Variants in SNTB1 observed in about 807,000 individuals in gnomAD.
SNTB1 encodes beta-1-syntrophin.
In SNTB1, 36 loss-of-function variants were observed where a neutral mutation model predicts 48.9. That is an observed-to-expected ratio of 0.74 (90% CI 0.56 to 0.97). The LOEUF is 0.97. Among genes scored for constraint, SNTB1 ranks in the 50% least tolerant of loss-of-function variants. The pLI, the probability that SNTB1 is intolerant of heterozygous loss-of-function variation, is 0.00. For synonymous variants in SNTB1, 299 were observed against 294.6 expected (o/e 1.01, Z -0.15); for missense variants, 786 against 703.4 (o/e 1.12, Z -1.33).
chr8:120,637,702 A>T, intron 2 of SNTB1: 1 of 433,390 alleles, frequency 2.3e-6, no homozygotes, highest in Non-Finnish European at 4.5e-6. Context: ...TCATGGCTGC[A>T]CTTATGCCTG....
At chr8:120,742,207 C>T (rs1466742122) in intron 1 of SNTB1, among the ~76,000 whole-genome samples, 1 of 152,176 alleles carries the variant, frequency 6.6e-6, no homozygotes, top group Non-Finnish European at 1.5e-5. Flanking sequence ...CACTGCCTGC[C>T]ATCTTATGGC....
chr8:120,570,357 A>T (rs1429522772), intron 4 of SNTB1: 2 of 152,192 alleles, frequency 1.3e-5, no homozygotes, highest in African/African-American at 4.8e-5. Flanking sequence ...ATCTACCCAG[A>T]TCACATCCAT....
Position 120,538,461 on chromosome 8 carries a change from G to T in SNTB1, c.*416C>A, listed in dbSNP as rs1232526614. ...GGATCACTGTTACTGGGGATAGGGG[G>T]CTAGGAGGAGTAGGTAAGAATGTCC... On this transcript the variant is annotated 3_prime_UTR_variant, in exon 7 of 7. Coordinates refer to ENST00000517992, the MANE Select transcript of SNTB1 (RefSeq NM_021021.4). 4 of 300,368 alleles carry T rather than the reference G, an allele frequency of 1.3e-5. No individual in the cohort carries two copies. The highest frequency in any genetic ancestry group is 2.8e-5 in the Non-Finnish European group (4 of 144,812). The allele number at this position is 300,368 out of a possible 1,614,324, so 18.6% of individuals were successfully genotyped here.
chr8:120,781,131 C>A (rs974394735), intron 1 of SNTB1, among the ~76,000 whole-genome samples: 25 of 152,292 alleles, frequency 1.6e-4, no homozygotes, highest in African/African-American at 5.1e-4. Flanking sequence ...TGGGGAATGT[C>A]TGCTGAATCA....
At chr8:120,577,138 C>T (rs1815964664) in intron 3 of SNTB1, among the ~76,000 whole-genome samples, 1 of 152,148 alleles carries the variant, frequency 6.6e-6, no homozygotes, top group Non-Finnish European at 1.5e-5. Context: ...ACCTTTTCTT[C>T]CCATCCTTTC....
intron 1 of SNTB1, chr8:120,761,425 G>A (rs1158489031): frequency 1.3e-5 from 2 of 152,176 alleles, no homozygotes; most frequent in Non-Finnish European, 1.5e-5. Flanking sequence ...TAGCAGCTCC[G>A]AGCATTCAAC....
At chr8:120,629,504 A>T (rs573834080) in intron 3 of SNTB1, among the ~76,000 whole-genome samples, 2 of 152,232 alleles carry the variant, frequency 1.3e-5, no homozygotes, top group Non-Finnish European at 2.9e-5. Flanking sequence ...AGATATATAC[A>T]GGGTCACATT....
chr8:120,747,597 C>T (rs1009477755), intron 1 of SNTB1, among the ~76,000 whole-genome samples: 1 of 152,184 alleles, frequency 6.6e-6, no homozygotes, highest in African/African-American at 2.4e-5. Context: ...GGTCCATGTT[C>T]TCACTTATAA....
rs139050518 is a variant in SNTB1 at position 120,597,600 on chromosome 8, T to C, written c.997-22375A>G. Among the ~76,000 whole-genome samples, 449 of 152,342 alleles carry C rather than the reference T, an allele frequency of 2.9e-3. 3 individuals carry two copies. The highest frequency in any genetic ancestry group is 0.011 in the African/African-American group (437 of 41,570). On this transcript the variant is annotated intron_variant, in intron 3 of 6. Coordinates refer to ENST00000517992, the MANE Select transcript of SNTB1 (RefSeq NM_021021.4). Reference sequence around the variant, plus strand: ...AACCACAAAGAAGGATCCTAATGCATGTGTTTGCTAATTGATTGCCATTTT... The same window carrying C: ...AACCACAAAGAAGGATCCTAATGCACGTGTTTGCTAATTGATTGCCATTTT...
At chr8:120,572,382 A>G (rs970347102) in intron 4 of SNTB1, among the ~76,000 whole-genome samples, 3 of 152,228 alleles carry the variant, frequency 2.0e-5, no homozygotes, top group African/African-American at 4.8e-5. Context: ...GGACACAAAT[A>G]TGACTTTATC....
intron 3 of SNTB1, among the ~76,000 whole-genome samples, chr8:120,595,942 CTT>C (rs1410986695): frequency 6.6e-6 from 1 of 152,190 alleles, no homozygotes; most frequent in Non-Finnish European, 1.5e-5. Context: ...AGAATCCTCT[CTT>C]AGGGTCTGGA....
At chr8:120,629,905 C>T (rs1816952870) in intron 3 of SNTB1, among the ~76,000 whole-genome samples, 1 of 152,146 alleles carries the variant, frequency 6.6e-6, no homozygotes, top group Non-Finnish European at 1.5e-5. Context: ...TATTGCTGTT[C>T]CATGAGAATG....
At chr8:120,663,625 G>A (rs1272793896) in intron 2 of SNTB1, among the ~76,000 whole-genome samples, 1 of 152,110 alleles carries the variant, frequency 6.6e-6, no homozygotes. Context: ...TTCTTGAGTG[G>A]CTTAGAAGTG....
At chr8:120,762,507 AT>A (rs1819438918) in intron 1 of SNTB1, among the ~76,000 whole-genome samples, 1 of 152,074 alleles carries the variant, frequency 6.6e-6, no homozygotes, top group Non-Finnish European at 1.5e-5. Context: ...AAAGAAGGGG[AT>A]TGTTTGGGTT....
chr8:120,590,773 T>A (rs1319223445), intron 3 of SNTB1, among the ~76,000 whole-genome samples: 1 of 148,540 alleles, frequency 6.7e-6, no homozygotes, highest in African/African-American at 2.5e-5. Flanking sequence ...CTCCACCTCC[T>A]GGGTCCCGGT....
chr8:120,805,086 T>C (rs1820309397), intron 1 of SNTB1, among the ~76,000 whole-genome samples: 1 of 152,194 alleles, frequency 6.6e-6, no homozygotes, highest in Admixed American at 6.5e-5. Context: ...AGAGCAAATA[T>C]ATAAATCGAT....
chr8:120,606,584 G>A (rs1816523788), intron 3 of SNTB1, among the ~76,000 whole-genome samples: 1 of 152,102 alleles, frequency 6.6e-6, no homozygotes, highest in Non-Finnish European at 1.5e-5. Context: ...GTAACCAAAA[G>A]TGGATAAAAT....
At chr8:120,788,380 A>T (rs1298490110) in intron 1 of SNTB1, among the ~76,000 whole-genome samples, 7 of 152,144 alleles carry the variant, frequency 4.6e-5, no homozygotes, top group African/African-American at 1.7e-4. Flanking sequence ...ATTCACATTC[A>T]CATCTTCATA....
chr8:120,794,502 C>T (rs1481743855), intron 1 of SNTB1, among the ~76,000 whole-genome samples: 3 of 151,796 alleles, frequency 2.0e-5, no homozygotes, highest in Admixed American at 6.6e-5. Flanking sequence ...TACACACACA[C>T]ACTCAAGTAT....
Sources: gnomAD v4.1 joint callset for allele counts (sites outside exome capture counted in the v4.1 genomes callset) on GRCh38, gnomAD v4.1.1 for gene constraint, MANE v1.5 for transcripts, NCBI Gene and HGNC (gene_info 2026-07-23, HGNC 2026-07-21) for gene names.